Variants in PCDHA4 observed in about 807,000 individuals in gnomAD.
The protein encoded by PCDHA4 is protocadherin alpha-4.
Under a neutral mutation model 61.4 loss-of-function variants are expected in PCDHA4, and 49 were observed. The ratio of observed to expected loss-of-function variants is 0.80; its 90% CI spans 0.63 to 1.01. The LOEUF is 1.01. Among genes scored for constraint, PCDHA4 ranks in the 50% least tolerant of loss-of-function variants. PCDHA4 has a pLI of 0.00. For synonymous variants in PCDHA4, 590 were observed against 550.3 expected (o/e 1.07, Z -1.01); for missense variants, 1,254 against 1,235.8 (o/e 1.01, Z -0.22).
chr5:140,972,621 G>T (rs1278363112), intron 1 of PCDHA4, among the ~76,000 whole-genome samples: 1 of 148,458 alleles, frequency 6.7e-6, no homozygotes, highest in South Asian at 2.1e-4. Flanking sequence ...ACTGAATGTT[G>T]TTGGCACTCC....
intron 1 of PCDHA4, chr5:140,822,863 C>G: frequency 6.2e-7 from 1 of 1,614,234 alleles, no homozygotes; most frequent in Non-Finnish European, 8.5e-7. Context: ...GAGGACGCTC[C>G]ACTCAGCACG....
chr5:140,809,782 T>C, intron 1 of PCDHA4: 1 of 502,618 alleles, frequency 2.0e-6, no homozygotes, highest in Non-Finnish European at 3.4e-6. Flanking sequence ...CAATGCATAT[T>C]AACAGAACTG....
chr5:140,949,260 T>C (rs1292112980), intron 1 of PCDHA4, among the ~76,000 whole-genome samples: 1 of 151,804 alleles, frequency 6.6e-6, no homozygotes, highest in Non-Finnish European at 1.5e-5. Flanking sequence ...GATGAACATA[T>C]CACGTGCACT....
intron 1 of PCDHA4, chr5:140,829,930 C>G (rs2150178008): frequency 1.2e-6 from 2 of 1,613,986 alleles, no homozygotes; most frequent in Non-Finnish European, 1.7e-6. Context: ...AGCTGCAGCC[C>G]CCGGCAAGCA....
At chr5:140,862,433 G>A (rs781821294) in intron 1 of PCDHA4, 31 of 354,884 alleles carry the variant, frequency 8.7e-5, no homozygotes, top group Admixed American at 2.6e-4. Context: ...GAAACTATTC[G>A]TTGGTACTCC....
chr5:141,004,531 C>A (rs1051693064), intron 3 of PCDHA4, among the ~76,000 whole-genome samples: 2 of 152,234 alleles, frequency 1.3e-5, no homozygotes, highest in Admixed American at 1.3e-4. Flanking sequence ...ATACACACAG[C>A]CATTAATGTC....
intron 1 of PCDHA4, chr5:140,968,899 A>G (rs782594245): frequency 6.2e-7 from 1 of 1,614,130 alleles, no homozygotes; most frequent in Non-Finnish European, 8.5e-7. Context: ...TAATAATAGC[A>G]TTAAGCACAG....
At chr5:140,897,758 C>T (rs2066305789) in intron 1 of PCDHA4, among the ~76,000 whole-genome samples, 3 of 152,140 alleles carry the variant, frequency 2.0e-5, no homozygotes, top group Non-Finnish European at 4.4e-5. Context: ...CCTGAGGAAT[C>T]GCCACACTGA....
At chr5:140,850,475 G>C (rs2150485791) in intron 1 of PCDHA4, 7 of 1,597,894 alleles carry the variant, frequency 4.4e-6, no homozygotes, top group Middle Eastern at 1.7e-4. Flanking sequence ...CAGCGCTGAC[G>C]GCCACGGCCA....
chr5:140,819,125 C>T (rs1243509701), intron 1 of PCDHA4, among the ~76,000 whole-genome samples: 1 of 152,096 alleles, frequency 6.6e-6, no homozygotes, highest in Non-Finnish European at 1.5e-5. Context: ...TCTTACTATC[C>T]TTATAATAGA....
intron 1 of PCDHA4, among the ~76,000 whole-genome samples, chr5:140,936,386 A>C (rs1321919652): frequency 6.6e-6 from 1 of 152,190 alleles, no homozygotes; most frequent in African/African-American, 2.4e-5. Context: ...GTGGCTAGTG[A>C]AACTGGGCTA....
chr5:141,008,526 G>A (rs2153997518), intron 3 of PCDHA4, among the ~76,000 whole-genome samples: 1 of 152,126 alleles, frequency 6.6e-6, no homozygotes, highest in Non-Finnish European at 1.5e-5. Flanking sequence ...TCAGACTCTT[G>A]GGAATGTCTT....
chr5:140,884,586 G>A (rs782106355), intron 1 of PCDHA4: 1 of 1,614,250 alleles, frequency 6.2e-7, no homozygotes, highest in Admixed American at 1.7e-5. Flanking sequence ...ATGGCCTTCA[G>A]TCCCAGCCTT....
chr5:141,007,094 A>G (rs559556000), intron 3 of PCDHA4, among the ~76,000 whole-genome samples: 1 of 152,300 alleles, frequency 6.6e-6, no homozygotes, highest in Admixed American at 6.5e-5. Context: ...AAGAGAGTCT[A>G]GGGCCAAACC....
chr5:140,909,061 A>G (rs2074290709), intron 1 of PCDHA4, among the ~76,000 whole-genome samples: 2 of 152,188 alleles, frequency 1.3e-5, no homozygotes, highest in African/African-American at 4.8e-5. Context: ...CAAATGTCTC[A>G]CCAATAAGCC....
At position 141,011,045 on chromosome 5, in the gene PCDHA4, G is replaced by A. The variant is rs949707438; in HGVS notation, c.*1108G>A. 2 of 153,712 alleles carry A rather than the reference G, an allele frequency of 1.3e-5. No individual in the cohort carries two copies. Among genetic ancestry groups the A allele is most frequent in the African/African-American group, 4.8e-5 (2 of 41,422 alleles). The allele number at this position is 153,712 out of a possible 1,614,324, so 9.5% of individuals were successfully genotyped here. ...CAGCTTTACTCTTTCAGGTCACTCT[G>A]GGGCTGCCTCTTGCATGTATTACTA... On this transcript the variant is annotated 3_prime_UTR_variant, in exon 4 of 4. Coordinates refer to ENST00000530339, the MANE Select transcript of PCDHA4 (RefSeq NM_018907.4).
chr5:140,866,671 G>A (rs2049487363), intron 1 of PCDHA4: 1 of 152,084 alleles, frequency 6.6e-6, no homozygotes, highest in Admixed American at 6.5e-5. Context: ...AGAAATAATA[G>A]CACTAGGTCT....
chr5:140,881,039 A>G (rs1554171692), intron 1 of PCDHA4, among the ~76,000 whole-genome samples: 1 of 152,262 alleles, frequency 6.6e-6, no homozygotes, highest in Non-Finnish European at 1.5e-5. Context: ...CATTTCCTAT[A>G]GAGTTGTGCA....
chr5:140,852,896 TG>T (rs2042516637), intron 1 of PCDHA4: 1 of 852,490 alleles, frequency 1.2e-6, no homozygotes, highest in Non-Finnish European at 1.4e-6. Context: ...TTTTTTTTTT[TG>T]AGTCAGAGTC....
Sources: allele counts gnomAD v4.1 joint callset (sites outside exome capture counted in the v4.1 genomes callset), GRCh38; gene constraint gnomAD v4.1.1; transcripts MANE v1.5; gene names NCBI Gene and HGNC (gene_info 2026-07-23, HGNC 2026-07-21).